The following DYNC2I1 variants were observed in gnomAD, a reference collection of about 807,000 sequenced individuals.
DYNC2I1 encodes dynein 2 intermediate chain 1, also known as cytoplasmic dynein 2 intermediate chain 1.
DYNC2I1 carries 89 observed loss-of-function variants against 133.4 expected under a neutral mutation model. That is an observed-to-expected ratio of 0.67 (90% CI 0.56 to 0.80). The LOEUF (loss-of-function observed/expected upper bound fraction) is 0.80, where lower values mean the gene tolerates loss of function less well. Among genes scored for constraint, DYNC2I1 ranks in the 30% least tolerant of loss-of-function variants. The pLI is 0.00. For synonymous variants in DYNC2I1, 504 were observed against 484.3 expected (o/e 1.04, Z -0.54); for missense variants, 1,291 against 1,314.5 (o/e 0.98, Z 0.28).
upstream of DYNC2I1, among the ~76,000 whole-genome samples, chr7:158,854,417 C>T (rs1193140290): frequency 4.7e-5 from 7 of 150,464 alleles, no homozygotes; most frequent in South Asian, 4.2e-4. Flanking sequence ...AACCAAACAC[C>T]GCATGTTCTC....
At chr7:158,864,797 T>C (rs1842253961) in intron 1 of DYNC2I1, among the ~76,000 whole-genome samples, 1 of 152,218 alleles carries the variant, frequency 6.6e-6, no homozygotes, top group Non-Finnish European at 1.5e-5. Context: ...TGAGCCACCA[T>C]GCCTGGCTCA....
At chr7:158,926,158 C>T (rs1031898088) in intron 17 of DYNC2I1, 29 bp from the exon 18 acceptor site, 17 of 1,550,756 alleles carry the variant, frequency 1.1e-5, no homozygotes, top group Admixed American at 3.5e-5. Flanking sequence ...ACTACTTACA[C>T]GTGGATGCTG....
intron 15 of DYNC2I1, among the ~76,000 whole-genome samples, chr7:158,921,771 C>T (rs990886646): frequency 6.6e-6 from 1 of 152,152 alleles, no homozygotes; most frequent in African/African-American, 2.4e-5. Context: ...CGGTGCGGTC[C>T]AGTTCTTTGA....
intron 1 of DYNC2I1, among the ~76,000 whole-genome samples, chr7:158,858,190 G>A (rs1253933903): frequency 2.0e-5 from 3 of 152,180 alleles, no homozygotes; most frequent in East Asian, 3.9e-4. Flanking sequence ...TCCTGACCCT[G>A]TCATCTTCTA....
At chr7:158,839,398 G>A in the DYNC2I1 span, among the ~76,000 whole-genome samples, 1 of 149,262 alleles carries the variant, frequency 6.7e-6, no homozygotes, top group African/African-American at 2.5e-5. Flanking sequence ...TAAAGAGGAT[G>A]CTAATGTGAC....
At position 158,869,707 on chromosome 7, in the gene DYNC2I1, T is replaced by G. The variant is rs916693691; in HGVS notation, c.16-148T>G. 3 of 618,126 alleles carry G rather than the reference T, an allele frequency of 4.9e-6. No homozygotes were observed. The African/African-American group carries it at 5.6e-5, about 11-fold the overall frequency. 38.3% of individuals were successfully genotyped at this position (618,126 alleles called of 1,614,324 possible). A position where few individuals can be genotyped will look rare whatever the true frequency, so the allele number is the denominator to read the frequency against. On this transcript the variant is annotated intron_variant, in intron 1 of 24. Transcript: ENST00000407559. ...AATTTTTAAAAATCTGTATTTCTGT[T>G]ACCTTTTATTCCAGGAGGTAGAGAA...
chr7:158,879,650 G>T, intron 4 of DYNC2I1, 34 bp from the exon 5 acceptor site: 2 of 1,534,358 alleles, frequency 1.3e-6, no homozygotes, highest in Non-Finnish European at 1.7e-6. Context: ...TATTTGATGT[G>T]CTCCTGTGTT....
intron 23 of DYNC2I1, 92 bp downstream of exon 23, chr7:158,934,641 TGTG>T: frequency 7.5e-7 from 1 of 1,341,670 alleles, no homozygotes. Context: ...AGTGCAGTGA[TGTG>T]GTCATAGCTC....
At chr7:158,883,952 C>T (rs1349142972) in intron 5 of DYNC2I1, among the ~76,000 whole-genome samples, 2 of 151,790 alleles carry the variant, frequency 1.3e-5, no homozygotes, top group Non-Finnish European at 2.9e-5. Context: ...GCGTGAGCCA[C>T]CGCGCCCGGC....
In DYNC2I1 at chr7:158,856,619, G is replaced by C. The variant is rs1329942537; in HGVS notation, c.-117G>C. On this transcript the variant is annotated 5_prime_UTR_variant, in exon 1 of 25. Coordinates refer to ENST00000407559, the MANE Select transcript of DYNC2I1 (RefSeq NM_018051.5). ...GGCCCTCTGCTGCTCCTGCTTGTCG[G>C]TTGCTAGGCGCTGGGACGCGCCTCC... 1 of 1,097,514 alleles carries C rather than the reference G, an allele frequency of 9.1e-7. No homozygotes were observed. Among genetic ancestry groups the C allele is most frequent in the African/African-American group, 1.6e-5 (1 of 61,648 alleles). 68.0% of individuals were successfully genotyped at this position (1,097,514 alleles called of 1,614,324 possible). A position where few individuals can be genotyped will look rare whatever the true frequency, so the allele number is the denominator to read the frequency against.
chr7:158,907,217 T>G (rs1190796289), intron 11 of DYNC2I1, among the ~76,000 whole-genome samples: 1 of 151,522 alleles, frequency 6.6e-6, no homozygotes, highest in Non-Finnish European at 1.5e-5. Context: ...TTTGCTGCCT[T>G]TATATTTTGG....
intron 13 of DYNC2I1, 73 bp downstream of exon 13, chr7:158,913,169 C>T: frequency 8.8e-7 from 1 of 1,132,756 alleles, no homozygotes; most frequent in Non-Finnish European, 1.3e-6. Flanking sequence ...TACTTATTCC[C>T]TTTCTGGTTC....
Position 158,944,505 on chromosome 7 carries a change from G to C in DYNC2I1, c.3003-1076G>C, listed in dbSNP as rs112456565. ...TAAACATTGCCCATGCTTTACACAC[G>C]CAATTGAATAGCAGTTTTAAAGTAT... On this transcript the variant is annotated intron_variant, in intron 24 of 24. Transcript: ENST00000407559. 4.7e-3 allele frequency among the ~76,000 whole-genome samples: 719 copies of C among 152,256 alleles called. 4 individuals are homozygous for C. The highest frequency in any genetic ancestry group is 0.017 in the African/African-American group (692 of 41,542).
At chr7:158,851,476 T>C in the DYNC2I1 span, among the ~76,000 whole-genome samples, 70,859 of 151,712 alleles carry the variant, frequency 0.47, 18,289 homozygotes, top group East Asian at 0.72. Flanking sequence ...GAGCTGAAAT[T>C]GCACCATTGT....
upstream of DYNC2I1, among the ~76,000 whole-genome samples, chr7:158,852,110 C>T (rs549586571): frequency 1.3e-4 from 20 of 151,870 alleles, 1 homozygote; most frequent in Admixed American, 5.3e-4. Context: ...AAGAGCTGGG[C>T]GCCTGAGATT....
intron 6 of DYNC2I1, among the ~76,000 whole-genome samples, chr7:158,885,676 GTTCT>G (rs1455711495): frequency 2.0e-5 from 3 of 152,066 alleles, no homozygotes; most frequent in Non-Finnish European, 2.9e-5. Flanking sequence ...ACTTTAATTT[GTTCT>G]TTCTGACAAT....
the DYNC2I1 span, among the ~76,000 whole-genome samples, chr7:158,840,404 G>A: frequency 6.6e-6 from 1 of 152,172 alleles, no homozygotes; most frequent in South Asian, 2.1e-4. Context: ...CTGTCTCTAG[G>A]AAAAATACAA....
rs1843799869 is a variant in DYNC2I1 at position 158,879,681 on chromosome 7, C to T, written c.574-3C>T. The stretch of plus-strand genomic sequence containing the variant: ...GTGTTTCTCAGCTTGTCGTGTTTTA[C>T]AGCTGCAGTACGGAGACAGCAAGGA... On this transcript the variant is annotated splice_region_variant and splice_polypyrimidine_tract_variant and intron_variant, in intron 4 of 24. Transcript: ENST00000407559. 15 of 1,564,222 alleles carry T rather than the reference C, an allele frequency of 9.6e-6. No homozygotes were observed. Among genetic ancestry groups the T allele is most frequent in the Non-Finnish European group, 1.2e-5 (14 of 1,161,392 alleles).
At chr7:158,856,474 CG>C, upstream of DYNC2I1, 1 of 381,200 alleles carries the variant, frequency 2.6e-6, no homozygotes, top group Non-Finnish European at 4.6e-6. Context: ...GGAGGGGCCG[CG>C]GGCACGCCGA....
Sources: allele counts gnomAD v4.1 joint callset (sites outside exome capture counted in the v4.1 genomes callset), GRCh38; gene constraint gnomAD v4.1.1; transcripts MANE v1.5; gene names NCBI Gene and HGNC (gene_info 2026-07-23, HGNC 2026-07-21).